Variants in TBC1D5 observed in about 807,000 individuals in gnomAD.
The protein encoded by TBC1D5 is TBC1 domain family, member 5.
Under a neutral mutation model 100.3 loss-of-function variants are expected in TBC1D5, and 75 were observed. The ratio of observed to expected loss-of-function variants is 0.75; its 90% CI spans 0.62 to 0.91. The LOEUF (loss-of-function observed/expected upper bound fraction) is 0.91, where lower values mean the gene tolerates loss of function less well. Ranked by LOEUF, TBC1D5 falls within the 40% of genes least tolerant of loss-of-function variation. The pLI, the probability that TBC1D5 is intolerant of heterozygous loss-of-function variation, is 0.00. For synonymous variants in TBC1D5, 323 were observed against 325.6 expected (o/e 0.99, Z 0.09); for missense variants, 910 against 942.4 (o/e 0.97, Z 0.45).
chr3:17,240,458 A>G (rs1017297567), intron 16 of TBC1D5, among the ~76,000 whole-genome samples: 1 of 152,316 alleles, frequency 6.6e-6, no homozygotes, highest in South Asian at 2.1e-4. Flanking sequence ...TGCACCACTT[A>G]CTTTCATTTT....
chr3:17,633,678 T>C (rs540105719), intron 1 of TBC1D5, among the ~76,000 whole-genome samples: 1 of 152,302 alleles, frequency 6.6e-6, no homozygotes, highest in Non-Finnish European at 1.5e-5. Context: ...TAGAATAATA[T>C]ACTTTGGATT....
chr3:17,169,738 C>A (rs1370449188), intron 19 of TBC1D5, among the ~76,000 whole-genome samples: 1 of 152,156 alleles, frequency 6.6e-6, no homozygotes, highest in Non-Finnish European at 1.5e-5. Context: ...TAACAGTAAG[C>A]AACTGCAGAA....
chr3:17,347,705 T>C (rs2090078587), intron 13 of TBC1D5, among the ~76,000 whole-genome samples: 1 of 152,084 alleles, frequency 6.6e-6, no homozygotes, highest in Middle Eastern at 3.4e-3. Flanking sequence ...TGAGTTTAGA[T>C]TTAAATCTAA....
chr3:17,424,112 T>C (rs922618389), intron 4 of TBC1D5, among the ~76,000 whole-genome samples: 2 of 152,220 alleles, frequency 1.3e-5, no homozygotes, highest in African/African-American at 4.8e-5. Context: ...AGGAAAGTTA[T>C]AATTTGATCA....
At chr3:17,597,368 C>T (rs1300997469) in intron 2 of TBC1D5, among the ~76,000 whole-genome samples, 1 of 152,246 alleles carries the variant, frequency 6.6e-6, no homozygotes, top group East Asian at 1.9e-4. Context: ...CCCAGAAAAA[C>T]AGATAAGAGA....
chr3:17,612,390 G>A (rs2061742432), intron 2 of TBC1D5, among the ~76,000 whole-genome samples: 1 of 151,600 alleles, frequency 6.6e-6, no homozygotes, highest in African/African-American at 2.4e-5. Context: ...GCATTTTGGA[G>A]GCCGAGGCAA....
intron 1 of TBC1D5, among the ~76,000 whole-genome samples, chr3:17,725,849 C>T (rs1319176460): frequency 6.6e-6 from 1 of 152,082 alleles, no homozygotes; most frequent in African/African-American, 2.4e-5. Context: ...CTTTTATGAT[C>T]ATCTCCCTCC....
chr3:17,517,201 C>T (rs992985799), intron 2 of TBC1D5, among the ~76,000 whole-genome samples: 2 of 152,196 alleles, frequency 1.3e-5, no homozygotes, highest in Non-Finnish European at 2.9e-5. Flanking sequence ...GAAACCCTCA[C>T]CTTTCTTGCT....
At chr3:17,503,778 AC>A (rs1161775757) in intron 3 of TBC1D5, among the ~76,000 whole-genome samples, 1 of 149,798 alleles carries the variant, frequency 6.7e-6, no homozygotes, top group East Asian at 1.9e-4. Flanking sequence ...AATTATGGCC[AC>A]AAATTTCTTA....
intron 13 of TBC1D5, among the ~76,000 whole-genome samples, chr3:17,354,835 C>G (rs140469507): frequency 6.6e-6 from 1 of 151,836 alleles, no homozygotes; most frequent in Non-Finnish European, 1.5e-5. Context: ...CTTATACACA[C>G]AATTTATCCA....
At chr3:17,448,528 C>T (rs1239858654) in intron 3 of TBC1D5, among the ~76,000 whole-genome samples, 1 of 152,200 alleles carries the variant, frequency 6.6e-6, no homozygotes, top group African/African-American at 2.4e-5. Context: ...GTAGAAATGA[C>T]TACTTGATCC....
At chr3:17,197,423 C>T (rs1275233017) in intron 18 of TBC1D5, among the ~76,000 whole-genome samples, 1 of 152,106 alleles carries the variant, frequency 6.6e-6, no homozygotes, top group Non-Finnish European at 1.5e-5. Context: ...GTTACCCAGG[C>T]TGGAGTACAG....
intron 8 of TBC1D5, among the ~76,000 whole-genome samples, chr3:17,385,967 A>C (rs1188710053): frequency 2.0e-5 from 3 of 152,140 alleles, no homozygotes; most frequent in Non-Finnish European, 4.4e-5. Flanking sequence ...GGCAAGAAAC[A>C]CAAAAACTTT....
intron 2 of TBC1D5, among the ~76,000 whole-genome samples, chr3:17,604,626 A>C (rs1332504546): frequency 6.6e-6 from 1 of 152,324 alleles, no homozygotes; most frequent in South Asian, 2.1e-4. Context: ...TTTGGTGCCT[A>C]GAAACAATGT....
chr3:17,526,142 T>C (rs1207298466), intron 2 of TBC1D5, among the ~76,000 whole-genome samples: 1 of 152,166 alleles, frequency 6.6e-6, no homozygotes, highest in Admixed American at 6.5e-5. Flanking sequence ...CCCTAGAATA[T>C]ACCAGCAACC....
intron 3 of TBC1D5, among the ~76,000 whole-genome samples, chr3:17,489,117 A>G (rs949235846): frequency 3.3e-5 from 5 of 152,048 alleles, no homozygotes; most frequent in African/African-American, 1.2e-4. Flanking sequence ...TTTTAAAATT[A>G]ACCATAAAAT....
chr3:17,320,115 T>C (rs2085212237), intron 13 of TBC1D5, among the ~76,000 whole-genome samples: 1 of 152,234 alleles, frequency 6.6e-6, no homozygotes, highest in African/African-American at 2.4e-5. Flanking sequence ...AGGTCTTTGT[T>C]CGTGTAAATA....
At chr3:17,428,869 T>A (rs1179782365) in intron 3 of TBC1D5, among the ~76,000 whole-genome samples, 1 of 151,882 alleles carries the variant, frequency 6.6e-6, no homozygotes, top group Non-Finnish European at 1.5e-5. Context: ...AAGTCACCCA[T>A]CCTGATCAGT....
At chr3:17,516,515 C>A (rs1285608823) in intron 2 of TBC1D5, among the ~76,000 whole-genome samples, 1 of 152,126 alleles carries the variant, frequency 6.6e-6, no homozygotes, top group Non-Finnish European at 1.5e-5. Flanking sequence ...CAGAAATTGT[C>A]ATTCACCAAC....
Sources: allele counts gnomAD v4.1 joint callset (sites outside exome capture counted in the v4.1 genomes callset), GRCh38; gene constraint gnomAD v4.1.1; transcripts MANE v1.5; gene names NCBI Gene and HGNC (gene_info 2026-07-23, HGNC 2026-07-21).